Variants in RHOA observed in about 807,000 individuals in gnomAD.
RHOA encodes the protein transforming protein RhoA.
Under a neutral mutation model 17.5 loss-of-function variants are expected in RHOA, and 3 were observed. The ratio of observed to expected loss-of-function variants is 0.17; its 90% CI spans 0.08 to 0.44. The LOEUF is 0.44. Among genes scored for constraint, RHOA ranks in the 20% least tolerant of loss-of-function variants. The pLI, the probability that RHOA is intolerant of heterozygous loss-of-function variation, is 0.99. For synonymous variants in RHOA, 98 were observed against 88.4 expected (o/e 1.11, Z -0.61); for missense variants, 56 against 242.3 (o/e 0.23, Z 5.10).
At chr3:49,382,853 G>A (rs1475777358) in intron 1 of RHOA, among the ~76,000 whole-genome samples, 1 of 151,902 alleles carries the variant, frequency 6.6e-6, no homozygotes, top group East Asian at 1.9e-4. Flanking sequence ...TCAGGAGTTC[G>A]AGACAAGCCT....
In RHOA at chr3:49,402,664, ACT is replaced by A. The variant is rs539085448; in HGVS notation, c.-3+9154_-3+9155del. Among the ~76,000 whole-genome samples the A allele has an allele frequency of 3.4e-3, 523 of 151,968 alleles. 5 individuals carry two copies. The highest frequency in any genetic ancestry group is 1.5e-3 in the Non-Finnish European group (101 of 67,950). On this transcript the variant is annotated intron_variant, in intron 1 of 4. Transcript: ENST00000418115. Reference sequence around the variant, plus strand: ...ACTCCAGCCTGGGAAACAGATCAAGACTCTGTCTCAAAAACAAACCAAAACTT... The same window carrying A: ...ACTCCAGCCTGGGAAACAGATCAAGACTGTCTCAAAAACAAACCAAAACTT...
chr3:49,393,242 T>C (rs1575669858), intron 1 of RHOA, among the ~76,000 whole-genome samples: 2 of 152,182 alleles, frequency 1.3e-5, no homozygotes, highest in African/African-American at 2.4e-5. Context: ...GCTTCCTTCT[T>C]AGTCACTCTG....
At chr3:49,387,448 G>GGA (rs1553634196) in intron 1 of RHOA, among the ~76,000 whole-genome samples, 4 of 128,704 alleles carry the variant, frequency 3.1e-5, no homozygotes, top group Admixed American at 1.6e-4. Context: ...CATCTCGGGG[G>GGA]AAAAAAAAAA....
intron 2 of RHOA, among the ~76,000 whole-genome samples, chr3:49,368,770 C>T (rs555680543): frequency 6.2e-5 from 9 of 145,858 alleles, no homozygotes; most frequent in South Asian, 4.3e-4. Context: ...TGCAGTGGCG[C>T]GATCTCTGCT....
intron 1 of RHOA, among the ~76,000 whole-genome samples, chr3:49,405,057 G>A (rs2107908290): frequency 6.6e-6 from 1 of 151,616 alleles, no homozygotes; most frequent in East Asian, 1.9e-4. Context: ...GGACCATCCT[G>A]GCTAACACGG....
intron 1 of RHOA, among the ~76,000 whole-genome samples, chr3:49,378,235 T>C (rs1349689467): frequency 1.6e-5 from 2 of 128,542 alleles, no homozygotes; most frequent in Non-Finnish European, 3.2e-5. Context: ...TATCTATCCA[T>C]CTATCTTTTT....
chr3:49,379,577 G>A (rs1167356434), intron 1 of RHOA, among the ~76,000 whole-genome samples: 2 of 151,992 alleles, frequency 1.3e-5, no homozygotes, highest in Admixed American at 6.6e-5. Flanking sequence ...ATAGTGGTGC[G>A]ATCTCCACTC....
At chr3:49,397,858 A>T (rs1267720623) in intron 1 of RHOA, among the ~76,000 whole-genome samples, 1 of 152,206 alleles carries the variant, frequency 6.6e-6, no homozygotes, top group Non-Finnish European at 1.5e-5. Context: ...GATAGAGGCA[A>T]GGAAAGGGAA....
chr3:49,390,004 T>C (rs566931228), intron 1 of RHOA, among the ~76,000 whole-genome samples: 3 of 150,824 alleles, frequency 2.0e-5, no homozygotes, highest in Admixed American at 2.0e-4. Context: ...CAAGTACACA[T>C]ACTGATTTAG....
chr3:49,391,679 T>C (rs991785504), intron 1 of RHOA, among the ~76,000 whole-genome samples: 2 of 151,732 alleles, frequency 1.3e-5, no homozygotes, highest in Non-Finnish European at 2.9e-5. Context: ...GCCCGGGTAA[T>C]TTTGTATTTT....
intron 1 of RHOA, among the ~76,000 whole-genome samples, chr3:49,403,801 C>A (rs1235406775): frequency 6.6e-6 from 1 of 152,018 alleles, no homozygotes; most frequent in Non-Finnish European, 1.5e-5. Context: ...ATTAAACCTC[C>A]ATGAAGGTAA....
In RHOA at chr3:49,359,330, G is replaced by A. The variant is rs187696803; in HGVS notation, c.*879C>T. ...AATTAGAGCCAGATGCTTAAGTCCA[G>A]GTGAGACAGGTTATGCCATCTTCCA... On this transcript the variant is annotated 3_prime_UTR_variant, in exon 5 of 5. Transcript: ENST00000418115. 18 of 190,014 alleles carry A rather than the reference G, an allele frequency of 9.5e-5. No individual in the cohort carries two copies. Among genetic ancestry groups the A allele is most frequent in the Admixed American group, 7.4e-4 (12 of 16,282 alleles). 11.8% of individuals were successfully genotyped at this position (190,014 alleles called of 1,614,324 possible). A position where few individuals can be genotyped will look rare whatever the true frequency, so the allele number is the denominator to read the frequency against.
intron 1 of RHOA, among the ~76,000 whole-genome samples, chr3:49,402,266 C>T (rs895199938): frequency 6.6e-6 from 1 of 151,994 alleles, no homozygotes; most frequent in East Asian, 1.9e-4. Flanking sequence ...TAAGACAATG[C>T]GTATCTAGTA....
At chr3:49,399,325 G>C (rs1048042510) in intron 1 of RHOA, among the ~76,000 whole-genome samples, 9 of 150,430 alleles carry the variant, frequency 6.0e-5, no homozygotes, top group Middle Eastern at 3.4e-3. Context: ...AGCCGAGATC[G>C]CACCACTGCA....
chr3:49,405,155 G>C (rs1228461810), intron 1 of RHOA, among the ~76,000 whole-genome samples: 3 of 150,586 alleles, frequency 2.0e-5, no homozygotes, highest in Admixed American at 6.7e-5. Context: ...CTACTCAGGA[G>C]GCTGAGGAAG....
rs141494005 is a variant in RHOA at position 49,391,426 on chromosome 3, G to C, written c.-2-15835C>G. Among the ~76,000 whole-genome samples, 85 of 151,858 alleles carry C rather than the reference G, an allele frequency of 5.6e-4. No individual in the cohort carries two copies. In the East Asian group the frequency reaches 0.015, roughly 26 times the overall value. On this transcript the variant is annotated intron_variant, in intron 1 of 4. Coordinates refer to ENST00000418115, the MANE Select transcript of RHOA (RefSeq NM_001664.4). ...AAAAAGTAAAAATTATACATACTTA[G>C]GCAGCAGAGTCACTGCTTCAAGTGT...
At chr3:49,369,637 A>C (rs1185296054) in intron 2 of RHOA, among the ~76,000 whole-genome samples, 1 of 152,050 alleles carries the variant, frequency 6.6e-6, no homozygotes, top group Non-Finnish European at 1.5e-5. Context: ...GGAGAGGCTA[A>C]GGCAGGTGAA....
intron 1 of RHOA, among the ~76,000 whole-genome samples, chr3:49,394,533 T>C (rs1356405221): frequency 1.3e-5 from 2 of 151,838 alleles, no homozygotes; most frequent in African/African-American, 4.8e-5. Flanking sequence ...GTAATTTTAG[T>C]AGAGATGGGG....
intron 1 of RHOA, among the ~76,000 whole-genome samples, chr3:49,377,296 G>C (rs1215699918): frequency 6.8e-6 from 1 of 148,038 alleles, no homozygotes; most frequent in Non-Finnish European, 1.5e-5. Flanking sequence ...TGAGAGGGGA[G>C]GGGAGAAAGA....
Sources: allele counts gnomAD v4.1 joint callset (sites outside exome capture counted in the v4.1 genomes callset), GRCh38; gene constraint gnomAD v4.1.1; transcripts MANE v1.5; gene names NCBI Gene and HGNC (gene_info 2026-07-23, HGNC 2026-07-21).